The following AGRN variants were observed in gnomAD, a reference collection of about 807,000 sequenced individuals.
AGRN encodes the protein agrin.
Under a neutral mutation model 211.0 loss-of-function variants are expected in AGRN, and 106 were observed. The ratio of observed to expected loss-of-function variants is 0.50; its 90% CI spans 0.43 to 0.59. The LOEUF is 0.59. AGRN is among the 20% of genes least tolerant of loss of function. The pLI is 0.00. For missense variants in AGRN, 3,040 were observed against 2,982.6 expected (o/e 1.02, Z -0.45); for synonymous variants, 1,525 against 1,332.5 (o/e 1.14, Z -3.15).
intron 3 of AGRN, among the ~76,000 whole-genome samples, chr1:1,040,084 C>T (rs1570187573): frequency 6.6e-6 from 1 of 152,312 alleles, no homozygotes; most frequent in South Asian, 2.1e-4. Flanking sequence ...CACACCCCGT[C>T]CCGGTGGGGC....
chr1:1,050,661 C>G (rs1405060854), intron 29 of AGRN, 65 bp from the exon 30 acceptor site: 1 of 1,603,578 alleles, frequency 6.2e-7, no homozygotes, highest in African/African-American at 1.3e-5. Context: ...GCAGGTCGCT[C>G]AGGCCCTGGG....
chr1:1,045,324 C>T (rs763396221), intron 13 of AGRN, 35 bp from the exon 14 acceptor site: 25 of 1,611,678 alleles, frequency 1.6e-5, no homozygotes, highest in African/African-American at 9.3e-5. Flanking sequence ...TGCGGCTGTG[C>T]GGCCACGTGA....
chr1:1,054,486 C>G lies in AGRN; in HGVS notation c.5915C>G (p.Ala1972Gly). ...GGTTCCCTGCAGGTGGGCAATGAGG[C>G]CCCTGTGACCGGCTCCTCCCCGCTG... ...REGSLQVGNE[A>G]PVTGSSPLGA... Residue 1972 changes from alanine to glycine, a missense_variant, in exon 35 of 36, where the codon GCC becomes GGC. Transcript: ENST00000379370. The G allele has an allele frequency of 1.2e-6, 2 of 1,601,990 alleles. No individual in the cohort carries two copies. Among genetic ancestry groups the G allele is most frequent in the Non-Finnish European group, 1.7e-6 (2 of 1,175,012 alleles).
chr1:1,043,592 G>A lies in AGRN; in HGVS notation c.1658G>A (p.Cys553Tyr). 1.2e-6 allele frequency: 2 copies of A among 1,605,122 alleles called. No individual in the cohort carries two copies. Among genetic ancestry groups the A allele is most frequent in the Non-Finnish European group, 1.7e-6 (2 of 1,179,786 alleles). The change falls in exon 9 of 36, where the codon TGC (cysteine) becomes TAC (tyrosine). Residue 553 changes from cysteine (C) to tyrosine (Y), a missense_variant. By Grantham distance (194) the Cys-to-Tyr change is radical. Around this residue, in one of 3 missense-constraint regions of AGRN, gnomAD observed 1,498 missense variants for 1,457.8 expected, o/e 1.03. Coordinates refer to ENST00000379370, the MANE Select transcript of AGRN (RefSeq NM_198576.4). ...GALCEAETGR[C>Y]VCPSECVALA... ...CTGTGCGAGGCCGAGACCGGGCGCT[G>A]CGTGTGCCCCTCTGAATGCGTGGCT...
chr1:1,043,022 C>T (rs559865060), intron 7 of AGRN, among the ~76,000 whole-genome samples: 3 of 152,254 alleles, frequency 2.0e-5, no homozygotes, highest in Non-Finnish European at 4.4e-5. Flanking sequence ...CAGCCTCGCC[C>T]GCAGCCACCG....
chr1:1,045,501 C>A lies in AGRN; in HGVS notation c.2514C>A (p.Thr838=), dbSNP rs199577370. Residue 838 remains threonine (T), a synonymous_variant, in exon 14 of 36, where the codon ACC becomes ACA. Coordinates refer to ENST00000379370, the MANE Select transcript of AGRN (RefSeq NM_198576.4). ...PGFWNFRGIV[T]DGRSGCTPCS... ...TCTGGAACTTTCGAGGCATCGTCAC[C>A]GATGGCCGGAGTGGCTGTACACGTG... The A allele has an allele frequency of 3.1e-6, 5 of 1,612,830 alleles. No homozygotes were observed. The African/African-American group carries it at 6.7e-5, about 22-fold the overall frequency.
Position 1,020,141 on chromosome 1 carries a change from C to G in AGRN, c.-32C>G, listed in dbSNP as rs1195572761. The G allele has an allele frequency of 8.4e-7, 1 of 1,197,360 alleles. No individual in the cohort carries two copies. The highest frequency in any genetic ancestry group is 1.1e-6 in the Non-Finnish European group (1 of 935,790). 74.2% of individuals were successfully genotyped at this position (1,197,360 alleles called of 1,614,324 possible). ...GTCCAGTCCCGTCCCCGGCGCGGCC[C>G]GCGCGCTCCTCCGCCGCCTCTCGCC... is the stretch of plus-strand genomic sequence containing the variant. On this transcript the variant is annotated 5_prime_UTR_variant, in exon 1 of 36. Coordinates refer to ENST00000379370, the MANE Select transcript of AGRN (RefSeq NM_198576.4).
intron 2 of AGRN, among the ~76,000 whole-genome samples, chr1:1,030,257 C>T (rs1644632882): frequency 1.3e-5 from 1 of 79,092 alleles, no homozygotes; most frequent in Non-Finnish European, 2.3e-5. Context: ...GCTGTGAGAT[C>T]AGCGTGTGTG....
In AGRN at chr1:1,055,314, G is replaced by A. The variant is rs1645425072; in HGVS notation, c.*333G>A. Reference sequence around the variant, plus strand: ...ACCCTCGCTCCGTCAGGCGGGACTCGTGTCCCAGAGAGGAAGGGGCTGCTG... The same window carrying A: ...ACCCTCGCTCCGTCAGGCGGGACTCATGTCCCAGAGAGGAAGGGGCTGCTG... On this transcript the variant is annotated 3_prime_UTR_variant, in exon 36 of 36. Coordinates refer to ENST00000379370, the MANE Select transcript of AGRN (RefSeq NM_198576.4). 1.0e-5 allele frequency: 4 copies of A among 398,292 alleles called. No individual in the cohort carries two copies. In the Admixed American group the frequency reaches 1.1e-4, roughly 11 times the overall value. The allele number at this position is 398,292 out of a possible 1,614,324, so 24.7% of individuals were successfully genotyped here.
chr1:1,051,018 T>C (rs13302970), intron 30 of AGRN, 181 bp downstream of exon 30: 4 of 1,549,270 alleles, frequency 2.6e-6, no homozygotes, highest in Non-Finnish European at 3.5e-6. Context: ...CCCCACCCGC[T>C]CTTCGGAGGC....
Position 1,046,227 on chromosome 1 carries a change from G to A in AGRN, c.2873G>A (p.Gly958Asp). The change falls in exon 17 of 36, where the codon GGC (glycine) becomes GAC (aspartate). Residue 958 changes from glycine (G) to aspartate (D), a missense_variant. This residue lies in a region of AGRN where 1,498 missense variants were observed against 1,457.8 expected (regional missense o/e 1.03). Transcript: ENST00000379370. ...CTGAAGACCATCGCCTGCCGCCAGG[G>A]CCTGCAAATCTCTATCCAGAGCCTG... The part of the protein sequence containing the change: ...CQLKTIACRQ[G>D]LQISIQSLGP... 6.2e-7 allele frequency: 1 copy of A among 1,613,634 alleles called. No individual in the cohort carries two copies. The highest frequency in any genetic ancestry group is 8.5e-7 in the Non-Finnish European group (1 of 1,179,992).
chr1:1,044,504 T>C (rs1448740901), intron 12 of AGRN, 65 bp downstream of exon 12: 4 of 1,500,926 alleles, frequency 2.7e-6, no homozygotes, highest in Non-Finnish European at 3.6e-6. Context: ...CGTGTCTGGA[T>C]GTGGGCGTGC....
Position 1,046,225 on chromosome 1 carries a change from G to A in AGRN, c.2871G>A (p.Gln957=), listed in dbSNP as rs1010176404. The A allele has an allele frequency of 1.2e-6, 2 of 1,613,658 alleles. No individual in the cohort carries two copies. Among genetic ancestry groups the A allele is most frequent in the Non-Finnish European group, 1.7e-6 (2 of 1,179,990 alleles). Residue 957 remains glutamine (Q), a synonymous_variant, in exon 17 of 36, where the codon CAG becomes CAA. Coordinates refer to ENST00000379370, the MANE Select transcript of AGRN (RefSeq NM_198576.4). ...ECQLKTIACR[Q]GLQISIQSLG... Reference sequence around the variant, plus strand: ...AGCTGAAGACCATCGCCTGCCGCCAGGGCCTGCAAATCTCTATCCAGAGCC... The same window carrying A: ...AGCTGAAGACCATCGCCTGCCGCCAAGGCCTGCAAATCTCTATCCAGAGCC...
rs915442300 is a variant in AGRN at position 1,021,884 on chromosome 1, C to T, written c.202-317C>T. 3.3e-5 allele frequency among the ~76,000 whole-genome samples: 5 copies of T among 152,208 alleles called. 1 individual carries two copies. The highest frequency in any genetic ancestry group is 3.3e-4 in the Admixed American group (5 of 15,286). ...GGAGAAGTGTGGAAGGCAGGCACCC[C>T]AAGCCAGGTGGGCCCCCTTCCCAAA... On this transcript the variant is annotated intron_variant, in intron 1 of 35. Coordinates refer to ENST00000379370, the MANE Select transcript of AGRN (RefSeq NM_198576.4).
chr1:1,051,853 G>A (rs367999091), intron 33 of AGRN, 38 bp downstream of exon 33: 29 of 1,611,580 alleles, frequency 1.8e-5, no homozygotes, highest in Non-Finnish European at 4.2e-6. Context: ...GGTTCCATCT[G>A]TGCCCTCGGG....
chr1:1,036,364 G>A (rs777416232), intron 3 of AGRN, among the ~76,000 whole-genome samples: 11 of 152,220 alleles, frequency 7.2e-5, no homozygotes, highest in Admixed American at 2.0e-4. Context: ...AGATAGGGTG[G>A]GGTCTTCCCT....
Position 1,042,123 on chromosome 1 carries a change from C to A in AGRN, c.1345C>A (p.Gln449Lys), listed in dbSNP as rs1255938863. ...DCWRQQAECRQQRAIPSKHQG... is the reference protein window; with the variant it reads ...DCWRQQAECRKQRAIPSKHQG... ...CTGGCGGCAGCAGGCTGAGTGCCGG[C>A]AGCAGCGTGCCATCCCCAGCAAGCA... Residue 449 changes from glutamine to lysine, a missense_variant, in exon 7 of 36, where the codon CAG becomes AAG. Around this residue, in one of 3 missense-constraint regions of AGRN, gnomAD observed 1,498 missense variants for 1,457.8 expected, o/e 1.03. Coordinates refer to ENST00000379370, the MANE Select transcript of AGRN (RefSeq NM_198576.4). 1 of 1,600,754 alleles carries A rather than the reference C, an allele frequency of 6.2e-7. No individual in the cohort carries two copies.
rs1324225422 is a variant in AGRN at position 1,048,197 on chromosome 1, A to G, written c.3937A>G (p.Thr1313Ala). The G allele has an allele frequency of 1.9e-6, 3 of 1,561,248 alleles. No homozygotes were observed. The highest frequency in any genetic ancestry group is 1.2e-5 in the South Asian group (1 of 85,574). Residue 1313 changes from threonine to alanine, a missense_variant, in exon 23 of 36, where the codon ACT (threonine) becomes GCT (alanine). By Grantham distance (58) the Thr-to-Ala change is moderately conservative. This residue lies in a region of AGRN where 1,537 missense variants were observed against 1,505.0 expected (regional missense o/e 1.02). Coordinates refer to ENST00000379370, the MANE Select transcript of AGRN (RefSeq NM_198576.4). The surrounding 1 kb of genome is among the most constrained non-coding windows in gnomAD (Gnocchi z 5.9). Reference sequence around the variant, plus strand: ...CCCCACCACACGTCGGCCCCCCACCACTGCCCCCAGCCGTGTGCCCGGACG... The same window carrying G: ...CCCCACCACACGTCGGCCCCCCACCGCTGCCCCCAGCCGTGTGCCCGGACG... ...AAPTTRRPPTTAPSRVPGRRP... is the reference protein window; with the variant it reads ...AAPTTRRPPTAAPSRVPGRRP...
chr1:1,046,007 C>G lies in AGRN; in HGVS notation c.2724C>G (p.Phe908Leu). 1.2e-6 allele frequency: 2 copies of G among 1,613,948 alleles called. No homozygotes were observed. The highest frequency in any genetic ancestry group is 1.7e-6 in the Non-Finnish European group (2 of 1,180,012). Residue 908 changes from phenylalanine to leucine, a missense_variant, in exon 16 of 36, where the codon TTC (phenylalanine) becomes TTG (leucine). By Grantham distance (22) the Phe-to-Leu change is conservative. Coordinates refer to ENST00000379370, the MANE Select transcript of AGRN (RefSeq NM_198576.4). ...PATCAEMRCEFGARCVEESGS... is the reference protein window; with the variant it reads ...PATCAEMRCELGARCVEESGS... ...CCTGTGCGGAGATGCGCTGTGAGTT[C>G]GGTGCGCGGTGCGTGGAGGAGTCTG... is the stretch of plus-strand genomic sequence containing the variant.
Sources: gnomAD v4.1 joint callset for allele counts (sites outside exome capture counted in the v4.1 genomes callset) on GRCh38, gnomAD v4.1.1 for gene constraint, gnomAD v4.1.1 regional missense constraint, Gnocchi (gnomAD v3.1) non-coding constraint, MANE v1.5 for transcripts, NCBI Gene and HGNC (gene_info 2026-07-23, HGNC 2026-07-21) for gene names.